Variants in CACNA1D observed in about 807,000 individuals in gnomAD.
The protein encoded by CACNA1D is calcium voltage-gated channel subunit alpha1 D.
A neutral mutation model predicts 257.1 loss-of-function variants in CACNA1D; 55 were observed. The observed-to-expected ratio is 0.21, with a 90% CI of 0.17 to 0.27. CACNA1D has a LOEUF of 0.27. Among genes scored for constraint, CACNA1D ranks in the 10% least tolerant of loss-of-function variants. The pLI, the probability that CACNA1D is intolerant of heterozygous loss-of-function variation, is 1.00. For missense variants in CACNA1D, 1,876 were observed against 2,784.0 expected, an observed-to-expected ratio of 0.67 and a Z score of 7.34; for synonymous variants, 980 against 1,014.9, an observed-to-expected ratio of 0.97 and a Z score of 0.65.
At chr3:53,573,004 G>A (rs1231426249) in intron 3 of CACNA1D, among the ~76,000 whole-genome samples, 1 of 152,176 alleles carries the variant, frequency 6.6e-6, no homozygotes, top group African/African-American at 2.4e-5. Context: ...CATCATTTCA[G>A]TGTCCTTTGA....
chr3:53,538,293 G>A (rs1037573126), intron 3 of CACNA1D, among the ~76,000 whole-genome samples: 24 of 151,752 alleles, frequency 1.6e-4, no homozygotes, highest in African/African-American at 4.4e-4. Flanking sequence ...GACTACAGGC[G>A]CACGCCACCA....
At chr3:53,627,962 T>C (rs1025159410) in intron 3 of CACNA1D, among the ~76,000 whole-genome samples, 2 of 151,970 alleles carry the variant, frequency 1.3e-5, no homozygotes, top group Admixed American at 6.6e-5. Flanking sequence ...GAGGTTGTGG[T>C]GGCCCTGAGA....
intron 3 of CACNA1D, among the ~76,000 whole-genome samples, chr3:53,588,491 G>C (rs2093254200): frequency 6.6e-6 from 1 of 152,144 alleles, no homozygotes. Context: ...TGCTCCTTCT[G>C]CCTGGGGGAG....
At chr3:53,684,781 T>C (rs908113220) in intron 8 of CACNA1D, among the ~76,000 whole-genome samples, 20 of 151,996 alleles carry the variant, frequency 1.3e-4, no homozygotes, top group African/African-American at 4.1e-4. Context: ...ACACAGAAGA[T>C]AGAAGGAAGT....
At chr3:53,557,201 A>G (rs975926368) in intron 3 of CACNA1D, among the ~76,000 whole-genome samples, 1 of 152,024 alleles carries the variant, frequency 6.6e-6, no homozygotes, top group African/African-American at 2.4e-5. Context: ...TTACATTAAG[A>G]TCTGTGGTCT....
chr3:53,509,847 T>A (rs1199290563), intron 3 of CACNA1D, among the ~76,000 whole-genome samples: 3 of 152,228 alleles, frequency 2.0e-5, no homozygotes, highest in Non-Finnish European at 4.4e-5. Context: ...GATTCCTGCA[T>A]AACATAGACT....
At chr3:53,501,949 G>T (rs1435202056) in intron 3 of CACNA1D, among the ~76,000 whole-genome samples, 2 of 152,020 alleles carry the variant, frequency 1.3e-5, no homozygotes, top group African/African-American at 2.4e-5. Context: ...AATAGATATG[G>T]AATTTTTATG....
intron 8 of CACNA1D, among the ~76,000 whole-genome samples, chr3:53,690,486 G>T (rs2094509197): frequency 6.6e-6 from 1 of 152,102 alleles, no homozygotes; most frequent in African/African-American, 2.4e-5. Context: ...CAGTCTCTGA[G>T]CCCAGCCCTG....
At chr3:53,561,526 G>A (rs1400574578) in intron 3 of CACNA1D, among the ~76,000 whole-genome samples, 1 of 152,196 alleles carries the variant, frequency 6.6e-6, no homozygotes, top group South Asian at 2.1e-4. Context: ...TCATTGGAGG[G>A]CTGTGGGGAG....
intron 3 of CACNA1D, among the ~76,000 whole-genome samples, chr3:53,560,504 A>C (rs1008083728): frequency 2.0e-5 from 3 of 152,232 alleles, no homozygotes; most frequent in African/African-American, 7.2e-5. Flanking sequence ...AATAATGCTT[A>C]TGATAAAATA....
chr3:53,735,884 G>T (rs2095052543), intron 20 of CACNA1D, among the ~76,000 whole-genome samples: 1 of 152,208 alleles, frequency 6.6e-6, no homozygotes, highest in African/African-American at 2.4e-5. Flanking sequence ...GGAGGAAGCA[G>T]AATTCAAACC....
chr3:53,740,402 CTTT>C, intron 21 of CACNA1D, 63 bp downstream of exon 21: 1 of 1,072,744 alleles, frequency 9.3e-7, no homozygotes, highest in Non-Finnish European at 1.5e-6. Context: ...AGTTGCACTT[CTTT>C]GTTTGCCTTC....
At chr3:53,720,116 T>G (rs1487742310) in intron 11 of CACNA1D, among the ~76,000 whole-genome samples, 1 of 152,202 alleles carries the variant, frequency 6.6e-6, no homozygotes, top group East Asian at 1.9e-4. Flanking sequence ...TCAAGAAGTC[T>G]TCCAAGGTAC....
In CACNA1D at chr3:53,749,319, C is replaced by T; in HGVS notation, c.3366C>T (p.Tyr1122=). The T allele has an allele frequency of 1.2e-6, 2 of 1,613,908 alleles. No homozygotes were observed. Among genetic ancestry groups the T allele is most frequent in the Non-Finnish European group, 1.7e-6 (2 of 1,179,778 alleles). Residue 1122 remains tyrosine (Y), a synonymous_variant, in exon 27 of 48, where the codon TAC becomes TAT. Transcript: ENST00000350061. ...DSNGENIGPI[Y]NHRVEISIFF... ...ATGGAGAGAACATCGGCCCAATCTACAACCACCGCGTGGAGATCTCCATCT... is the reference window on the plus strand; with the variant it reads ...ATGGAGAGAACATCGGCCCAATCTATAACCACCGCGTGGAGATCTCCATCT...
At chr3:53,629,607 G>T (rs2093800018) in intron 3 of CACNA1D, among the ~76,000 whole-genome samples, 1 of 152,198 alleles carries the variant, frequency 6.6e-6, no homozygotes. Context: ...GGCATACATT[G>T]CAGGTCTTCC....
intron 3 of CACNA1D, among the ~76,000 whole-genome samples, chr3:53,563,248 G>A (rs1215948001): frequency 6.6e-6 from 1 of 152,180 alleles, no homozygotes; most frequent in African/African-American, 2.4e-5. Flanking sequence ...ATCAGGCCAG[G>A]CACGGTGGCT....
Position 53,723,936 on chromosome 3 carries a change from T to C in CACNA1D, c.2037T>C (p.Asp679=), listed in dbSNP as rs1288497067. Reference sequence around the variant, plus strand: ...TGTTTGGCGGCAAGTTTAATTTTGATGAAACGCAAACCAAGCGGAGCACCT... The same window carrying C: ...TGTTTGGCGGCAAGTTTAATTTTGACGAAACGCAAACCAAGCGGAGCACCT... ...MQLFGGKFNF[D]ETQTKRSTFD... The change falls in exon 14 of 48, where the codon GAT becomes GAC. Residue 679 remains aspartate, a synonymous_variant. Transcript: ENST00000350061. This position sits in a 1 kb window ranked among gnomAD's most constrained non-coding sequence, Gnocchi z 5.6. The C allele has an allele frequency of 1.2e-6, 2 of 1,614,116 alleles. No individual in the cohort carries two copies. The highest frequency in any genetic ancestry group is 2.2e-5 in the East Asian group (1 of 44,894).
chr3:53,605,262 T>C (rs1343530237), intron 3 of CACNA1D, among the ~76,000 whole-genome samples: 1 of 152,184 alleles, frequency 6.6e-6, no homozygotes, highest in East Asian at 1.9e-4. Flanking sequence ...CTCCTTTGTG[T>C]GTCTGGCACC....
intron 30 of CACNA1D, among the ~76,000 whole-genome samples, chr3:53,768,309 G>A (rs566402851): frequency 1.8e-3 from 276 of 152,206 alleles, no homozygotes; most frequent in African/African-American, 4.9e-3. Flanking sequence ...CGTCTCTCTC[G>A]TGCACACTGC....
Sources: gnomAD v4.1 joint callset for allele counts (sites outside exome capture counted in the v4.1 genomes callset) on GRCh38, gnomAD v4.1.1 for gene constraint, Gnocchi (gnomAD v3.1) non-coding constraint, MANE v1.5 for transcripts, NCBI Gene and HGNC (gene_info 2026-07-23, HGNC 2026-07-21) for gene names.